Variants in KCNIP4 observed in about 807,000 individuals in gnomAD.
The protein encoded by KCNIP4 is potassium voltage-gated channel interacting protein 4.
Under a neutral mutation model 34.0 loss-of-function variants are expected in KCNIP4, and 12 were observed. The observed-to-expected ratio is 0.35, with a 90% CI of 0.23 to 0.57. KCNIP4 has a LOEUF of 0.57. Ranked by LOEUF, KCNIP4 falls within the 20% of genes least tolerant of loss-of-function variation. The probability of loss-of-function intolerance (pLI) is 0.83; values close to 1 mark genes in which losing one functional copy is unlikely to be tolerated. For synonymous variants in KCNIP4, 124 were observed against 102.2 expected, an observed-to-expected ratio of 1.21 and a Z score of -1.29; for missense variants, 238 against 311.7, an observed-to-expected ratio of 0.76 and a Z score of 1.78.
intron 1 of KCNIP4, among the ~76,000 whole-genome samples, chr4:21,157,677 A>G (rs992922891): frequency 6.6e-6 from 1 of 152,194 alleles, no homozygotes; most frequent in African/African-American, 2.4e-5. Flanking sequence ...TACTAATGCA[A>G]TATGTACACA....
chr4:21,243,067 TATC>T (rs1759972944), intron 1 of KCNIP4, among the ~76,000 whole-genome samples: 1 of 152,164 alleles, frequency 6.6e-6, no homozygotes, highest in Non-Finnish European at 1.5e-5. Context: ...CTAACGTTAT[TATC>T]ATTATCAATA....
chr4:21,307,825 A>G (rs2109263395), intron 1 of KCNIP4, among the ~76,000 whole-genome samples: 1 of 152,276 alleles, frequency 6.6e-6, no homozygotes, highest in African/African-American at 2.4e-5. Context: ...GCATGCTCAC[A>G]CATATTAGCT....
At chr4:20,795,959 T>A (rs566780553) in intron 3 of KCNIP4, among the ~76,000 whole-genome samples, 21 of 152,138 alleles carry the variant, frequency 1.4e-4, no homozygotes, top group African/African-American at 5.1e-4. Flanking sequence ...GCATTGTAAA[T>A]ACACACACAC....
intron 3 of KCNIP4, among the ~76,000 whole-genome samples, chr4:20,776,198 G>A (rs4697178): frequency 0.58 from 88,076 of 151,994 alleles, 25,967 homozygotes; most frequent in South Asian, 0.72. Flanking sequence ...TGAGCTTATG[G>A]TAACAATTCT....
At position 20,937,942 on chromosome 4, in the gene KCNIP4, A is replaced by AT. The variant is rs559368785; in HGVS notation, c.62-55234dup. On this transcript the variant is annotated intron_variant, in intron 1 of 8. Coordinates refer to ENST00000382152, the MANE Select transcript of KCNIP4 (RefSeq NM_025221.6). Reference sequence around the variant, plus strand: ...GGTTATTTTACAGAGAAATAATTCTATTTTTTCCCTTGAAAGTACTATACA... The same window carrying AT: ...GGTTATTTTACAGAGAAATAATTCTATTTTTTTCCCTTGAAAGTACTATACA... Among the ~76,000 whole-genome samples the AT allele has an allele frequency of 1.8e-3, 281 of 152,188 alleles. 2 individuals are homozygous for AT. Among genetic ancestry groups the AT allele is most frequent in the Admixed American group, 4.4e-3 (67 of 15,282 alleles).
At chr4:21,381,172 T>G (rs568626473) in intron 1 of KCNIP4, among the ~76,000 whole-genome samples, 168 of 152,332 alleles carry the variant, frequency 1.1e-3, no homozygotes, top group African/African-American at 3.8e-3. Context: ...GAGATGTCAT[T>G]TCTTCCAGTT....
chr4:21,114,519 A>T (rs1749523492), intron 1 of KCNIP4, among the ~76,000 whole-genome samples: 1 of 152,124 alleles, frequency 6.6e-6, no homozygotes, highest in South Asian at 2.1e-4. Flanking sequence ...AAAAAAGAAT[A>T]AAAAAATAAA....
At chr4:21,224,404 C>A (rs1486499817) in intron 1 of KCNIP4, among the ~76,000 whole-genome samples, 2 of 151,526 alleles carry the variant, frequency 1.3e-5, no homozygotes, top group Admixed American at 1.3e-4. Context: ...CCCTCATGAC[C>A]TAATTAAATT....
chr4:21,133,003 G>T (rs931254995), intron 1 of KCNIP4, among the ~76,000 whole-genome samples: 4 of 140,130 alleles, frequency 2.9e-5, no homozygotes, highest in Non-Finnish European at 6.1e-5. Flanking sequence ...ACAGAGTGAG[G>T]CTCCATCTCA....
chr4:21,323,357 C>A (rs975665372), intron 1 of KCNIP4, among the ~76,000 whole-genome samples: 2 of 151,942 alleles, frequency 1.3e-5, no homozygotes, highest in East Asian at 3.9e-4. Context: ...CTAGACCTTA[C>A]TCACTTTATA....
chr4:21,724,259 T>C (rs904438129), intron 1 of KCNIP4, among the ~76,000 whole-genome samples: 1 of 152,112 alleles, frequency 6.6e-6, no homozygotes, highest in Admixed American at 6.6e-5. Context: ...TTTGAAGTCA[T>C]GTAAACAAAA....
At chr4:21,645,889 G>T (rs1372574046) in intron 1 of KCNIP4, among the ~76,000 whole-genome samples, 2 of 152,112 alleles carry the variant, frequency 1.3e-5, no homozygotes, top group Non-Finnish European at 2.9e-5. Flanking sequence ...GATGAATTCA[G>T]ATCATTGGAG....
At chr4:21,938,265 G>GTTA (rs1729982481) in intron 1 of KCNIP4, among the ~76,000 whole-genome samples, 1 of 152,104 alleles carries the variant, frequency 6.6e-6, no homozygotes, top group South Asian at 2.1e-4. Context: ...TGTGCTTGGT[G>GTTA]TTATTACAGG....
intron 1 of KCNIP4, among the ~76,000 whole-genome samples, chr4:21,439,683 T>C (rs752214495): frequency 1.2e-4 from 18 of 152,196 alleles, no homozygotes; most frequent in Non-Finnish European, 1.6e-4. Context: ...CCCTTCTTCT[T>C]GCTTTGAGTA....
intron 1 of KCNIP4, among the ~76,000 whole-genome samples, chr4:21,541,359 T>C (rs1737676889): frequency 6.6e-6 from 1 of 152,162 alleles, no homozygotes; most frequent in Non-Finnish European, 1.5e-5. Flanking sequence ...GACATTCCTA[T>C]GCTGATAAAC....
chr4:21,755,475 A>AC (rs992971190), intron 1 of KCNIP4, among the ~76,000 whole-genome samples: 6 of 152,124 alleles, frequency 3.9e-5, no homozygotes, highest in African/African-American at 1.2e-4. Context: ...AGGCAGACTT[A>AC]CCCCCGGGGC....
rs945968178 is a variant in KCNIP4 at position 21,096,906 on chromosome 4, C to G, written c.62-214197G>C. On this transcript the variant is annotated intron_variant, in intron 1 of 8. Coordinates refer to ENST00000382152, the MANE Select transcript of KCNIP4 (RefSeq NM_025221.6). The stretch of plus-strand genomic sequence containing the variant: ...CCTGAAGGATGCTATGTCTCCGTAT[C>G]CTTCCACTTCCCCAAATATACAATT... Among the ~76,000 whole-genome samples, 3 of 152,054 alleles carry G rather than the reference C, an allele frequency of 2.0e-5. No homozygotes were observed. In the South Asian group the frequency reaches 6.2e-4, roughly 31 times the overall value.
intron 1 of KCNIP4, among the ~76,000 whole-genome samples, chr4:21,518,678 T>C (rs1030420782): frequency 6.6e-6 from 1 of 152,108 alleles, no homozygotes; most frequent in African/African-American, 2.4e-5. Context: ...GGGGTTCTAC[T>C]AAGCTTGTAT....
At chr4:21,191,580 A>G (rs1242638165) in intron 1 of KCNIP4, among the ~76,000 whole-genome samples, 1 of 152,206 alleles carries the variant, frequency 6.6e-6, no homozygotes, top group African/African-American at 2.4e-5. Flanking sequence ...TTAGCAAGGC[A>G]ATGAGGAGCT....
Sources: gnomAD v4.1 joint callset for allele counts (sites outside exome capture counted in the v4.1 genomes callset) on GRCh38, gnomAD v4.1.1 for gene constraint, MANE v1.5 for transcripts, NCBI Gene and HGNC (gene_info 2026-07-23, HGNC 2026-07-21) for gene names.